LINGO2: variants seen among roughly 807,000 people sequenced by gnomAD.
The protein encoded by LINGO2 is leucine-rich repeat and immunoglobulin-like domain-containing nogo receptor-interacting protein 2.
LINGO2 carries 14 observed loss-of-function variants against 30.6 expected under a neutral mutation model. The observed-to-expected ratio is 0.46, with a 90% confidence interval of 0.30 to 0.72. The LOEUF is 0.72. Among genes scored for constraint, LINGO2 ranks in the 30% least tolerant of loss-of-function variants. LINGO2 has a pLI of 0.07. For missense variants in LINGO2, 729 were observed against 751.7 expected (o/e 0.97, Z 0.35); for synonymous variants, 317 against 288.5 (o/e 1.10, Z -1.00).
At chr9:28,054,773 A>AT (rs1824842500) in intron 4 of LINGO2, among the ~76,000 whole-genome samples, 1 of 151,774 alleles carries the variant, frequency 6.6e-6, no homozygotes, top group African/African-American at 2.4e-5. Flanking sequence ...AAGTGATCAT[A>AT]TTCCAGGCTA....
rs947026915 is a variant in LINGO2, at chr9:28,046,062, T to G, written c.-86-33657A>C. On this transcript the variant is annotated intron_variant, in intron 4 of 5. Transcript: ENST00000379992. ...ACATAGCTTGGTATGATGTGAGGCA[T>G]CCATCCGTTTTTGGGATACCTGAAG... is the stretch of plus-strand genomic sequence containing the variant. 2.6e-5 allele frequency among the ~76,000 whole-genome samples: 4 copies of G among 152,158 alleles called. No individual in the cohort carries two copies. In the East Asian group the frequency reaches 7.7e-4, roughly 29 times the overall value.
At chr9:28,379,732 G>A (rs958236103) in intron 2 of LINGO2, among the ~76,000 whole-genome samples, 4 of 151,972 alleles carry the variant, frequency 2.6e-5, no homozygotes, top group African/African-American at 9.7e-5. Context: ...TTGTCATATC[G>A]AGATGGAGCA....
chr9:29,066,389 T>G, the LINGO2 span, among the ~76,000 whole-genome samples: 1 of 151,930 alleles, frequency 6.6e-6, no homozygotes, highest in South Asian at 2.1e-4. Context: ...TTAATAATCT[T>G]GTGTACTGAA....
chr9:28,690,701 T>TCCCA, the LINGO2 span, among the ~76,000 whole-genome samples: 1 of 152,150 alleles, frequency 6.6e-6, no homozygotes, highest in Admixed American at 6.5e-5. Flanking sequence ...AGTCTTCTAT[T>TCCCA]CCCACTTAAT....
chr9:28,901,221 C>A, the LINGO2 span, among the ~76,000 whole-genome samples: 1 of 151,992 alleles, frequency 6.6e-6, no homozygotes. Context: ...AGGAAAACTT[C>A]CAATCAGAAA....
intron 5 of LINGO2, among the ~76,000 whole-genome samples, chr9:27,981,155 G>A (rs1820833730): frequency 6.6e-6 from 1 of 151,684 alleles, no homozygotes; most frequent in African/African-American, 2.4e-5. Context: ...TATTTTTCCA[G>A]AAGTTCCACT....
At chr9:28,078,673 G>A (rs1193445679) in intron 4 of LINGO2, among the ~76,000 whole-genome samples, 1 of 147,724 alleles carries the variant, frequency 6.8e-6, no homozygotes, top group Non-Finnish European at 1.5e-5. Context: ...ATGGAGAAAC[G>A]CCGTCTCTAT....
chr9:28,607,853 C>T (rs1825755634), intron 1 of LINGO2, among the ~76,000 whole-genome samples: 1 of 151,954 alleles, frequency 6.6e-6, no homozygotes, highest in African/African-American at 2.4e-5. Flanking sequence ...CAAATCAGAA[C>T]CACAGAGTAG....
chr9:29,093,401 T>C, the LINGO2 span, among the ~76,000 whole-genome samples: 5 of 133,778 alleles, frequency 3.7e-5, 2 homozygotes, highest in African/African-American at 1.4e-4. Flanking sequence ...ATTATTATTA[T>C]ATATAATAAA....
the LINGO2 span, among the ~76,000 whole-genome samples, chr9:29,048,835 A>T: frequency 1.3e-5 from 2 of 152,288 alleles, no homozygotes; most frequent in South Asian, 4.1e-4. Context: ...TAAAAACTTA[A>T]ATCTAAGACT....
At chr9:29,080,641 G>C in the LINGO2 span, among the ~76,000 whole-genome samples, 1 of 151,994 alleles carries the variant, frequency 6.6e-6, no homozygotes, top group African/African-American at 2.4e-5. Context: ...CTGGTATGTT[G>C]TGTCTTTGGT....
intron 3 of LINGO2, among the ~76,000 whole-genome samples, chr9:28,338,753 A>T (rs535007060): frequency 6.6e-6 from 1 of 152,124 alleles, no homozygotes; most frequent in East Asian, 1.9e-4. Context: ...GTGAAGAAGG[A>T]CGTTCCTGCT....
At chr9:28,270,652 C>T (rs73429581) in intron 4 of LINGO2, among the ~76,000 whole-genome samples, 1,752 of 152,168 alleles carry the variant, frequency 0.012, 42 homozygotes, top group African/African-American at 0.04. Context: ...CTGCAGATCA[C>T]GACTGAATAT....
the LINGO2 span, among the ~76,000 whole-genome samples, chr9:28,713,756 G>A: frequency 6.6e-6 from 1 of 152,204 alleles, no homozygotes; most frequent in Admixed American, 6.5e-5. Context: ...AATAAAGAAA[G>A]CTTAACAAAA....
chr9:28,181,933 G>A (rs1160544165), intron 4 of LINGO2, among the ~76,000 whole-genome samples: 1 of 151,966 alleles, frequency 6.6e-6, no homozygotes, highest in Non-Finnish European at 1.5e-5. Context: ...AACTACCATT[G>A]ACATTCTTCA....
intron 2 of LINGO2, among the ~76,000 whole-genome samples, chr9:28,436,546 C>T (rs747547295): frequency 5.9e-5 from 9 of 151,974 alleles, no homozygotes; most frequent in Non-Finnish European, 1.2e-4. Flanking sequence ...TAAGCTCCGC[C>T]TCCCGGGTTC....
At chr9:28,715,956 G>A in the LINGO2 span, among the ~76,000 whole-genome samples, 1 of 151,906 alleles carries the variant, frequency 6.6e-6, no homozygotes, top group African/African-American at 2.4e-5. Flanking sequence ...TTTGAATTTG[G>A]TAGTTGGGGG....
At chr9:28,023,239 G>A (rs1823221349) in intron 4 of LINGO2, among the ~76,000 whole-genome samples, 1 of 151,954 alleles carries the variant, frequency 6.6e-6, no homozygotes, top group Admixed American at 6.6e-5. Context: ...TTCAAAGTTG[G>A]ACATGATGTT....
At chr9:28,893,352 G>C in the LINGO2 span, among the ~76,000 whole-genome samples, 3 of 151,894 alleles carry the variant, frequency 2.0e-5, no homozygotes, top group Non-Finnish European at 2.9e-5. Context: ...TCCCATCAAT[G>C]ACTAGTTCCC....
Sources: gnomAD v4.1 joint callset for allele counts (sites outside exome capture counted in the v4.1 genomes callset) on GRCh38, gnomAD v4.1.1 for gene constraint, MANE v1.5 for transcripts, NCBI Gene and HGNC (gene_info 2026-07-23, HGNC 2026-07-21) for gene names.